CBR4: variants seen among roughly 807,000 people sequenced by gnomAD.
CBR4 encodes the protein 3-oxoacyl-[acyl-carrier-protein] reductase.
In CBR4, 22 loss-of-function variants were observed where a neutral mutation model predicts 21.0. The ratio of observed to expected loss-of-function variants is 1.05; its 90% confidence interval spans 0.75 to 1.50. The LOEUF is 1.50. Ranked by LOEUF, CBR4 falls within the 40% of genes most tolerant of loss-of-function variation. The pLI is 0.00. For missense variants in CBR4, 302 were observed against 286.3 expected (o/e 1.05, Z -0.40); for synonymous variants, 100 against 104.4 (o/e 0.96, Z 0.26).
In CBR4 at chr4:168,994,852, T is replaced by G. The variant is rs111364244; in HGVS notation, c.536-4524A>C. ...TCACTGAAACCTCCGCCTCCCGGGT[T>G]CAAACAATTCTTCTGCCTTAGCCTC... On this transcript the variant is annotated intron_variant, in intron 4 of 4. Coordinates refer to ENST00000306193, the MANE Select transcript of CBR4 (RefSeq NM_032783.5). 9.4e-4 allele frequency among the ~76,000 whole-genome samples: 142 copies of G among 150,298 alleles called. 1 individual carries two copies. The highest frequency in any genetic ancestry group is 3.3e-3 in the African/African-American group (137 of 40,908).
Position 169,010,044 on chromosome 4 carries a change from T to C in CBR4, c.46A>G (p.Arg16Gly). The part of the protein sequence containing the change: ...AVFGGSRGIG[R>G]AVAQLMARKG... ...CGGGCCATTAACTGGGCCACAGCTC[T>C]GCCAATGCCTCGGGAGCCTCCAAAA... Residue 16 changes from arginine to glycine, a missense_variant, in exon 1 of 5, where the codon AGA becomes GGA. Coordinates refer to ENST00000306193, the MANE Select transcript of CBR4 (RefSeq NM_032783.5). 2 of 1,613,878 alleles carry C rather than the reference T, an allele frequency of 1.2e-6. No homozygotes were observed. Among genetic ancestry groups the C allele is most frequent in the Non-Finnish European group, 1.7e-6 (2 of 1,179,948 alleles).
Position 168,990,226 on chromosome 4 carries a change from A to G in CBR4, c.638T>C (p.Val213Ala). 1 of 1,613,886 alleles carries G rather than the reference A, an allele frequency of 6.2e-7. No homozygotes were observed. Among genetic ancestry groups the G allele is most frequent in the Non-Finnish European group, 8.5e-7 (1 of 1,179,860 alleles). The change falls in exon 5 of 5, where the codon GTT becomes GCT. Residue 213 changes from valine to alanine, a missense_variant. Coordinates refer to ENST00000306193, the MANE Select transcript of CBR4 (RefSeq NM_032783.5). ...FGETIEVAHA[V>A]VFLLESPYIT... The stretch of plus-strand genomic sequence containing the variant: ...ATACGGTGATTCTAAAAGAAACACA[A>G]CCGCATGTGCCACCTCAATAGTTTC...
rs528701229 is a variant in CBR4 at position 168,896,822 on chromosome 4, G to GTATTTATT, written n.170-2065_170-2058dup. Among the ~76,000 whole-genome samples the GTATTTATT allele has an allele frequency of 1.5e-3, 235 of 151,648 alleles. 3 individuals carry two copies. The South Asian group carries it at 0.018, about 12-fold the overall frequency. ...ATTTATTTATTTATTTTTACTTTAT[G>GTATTTATT]TATTTATTTATTTATTTATTTATTT... On this transcript the variant is annotated intron_variant and non_coding_transcript_variant, in intron 2 of 3. Coordinates refer to the CBR4 transcript ENST00000509108.
intron 2 of CBR4, among the ~76,000 whole-genome samples, chr4:168,905,781 CT>C (rs201314551): frequency 2.0e-5 from 2 of 99,148 alleles, no homozygotes; most frequent in Non-Finnish European, 4.1e-5. Flanking sequence ...GCGGAACTTG[CT>C]TTTTTTTCTT....
intron 2 of CBR4, among the ~76,000 whole-genome samples, chr4:168,912,152 G>A (rs1314750676): frequency 6.6e-6 from 1 of 152,094 alleles, no homozygotes; most frequent in Non-Finnish European, 1.5e-5. Context: ...TCTACTCACA[G>A]TTGGAAAGCA....
intron 4 of CBR4, among the ~76,000 whole-genome samples, chr4:168,993,075 T>C (rs1765001804): frequency 6.6e-6 from 1 of 152,220 alleles, no homozygotes; most frequent in Non-Finnish European, 1.5e-5. Context: ...CTCTGCAGAA[T>C]TTCCAACAAA....
intron 2 of CBR4, among the ~76,000 whole-genome samples, chr4:168,908,646 G>A (rs1438194988): frequency 6.6e-6 from 1 of 151,770 alleles, no homozygotes; most frequent in Non-Finnish European, 1.5e-5. Context: ...TTTGAGTTTA[G>A]AAAAAAAAGT....
intron 2 of CBR4, among the ~76,000 whole-genome samples, chr4:168,979,067 G>T (rs1051751381): frequency 2.6e-5 from 4 of 151,682 alleles, no homozygotes; most frequent in African/African-American, 9.7e-5. Context: ...AGCATGCCTT[G>T]CAGAAAAAGA....
intron 2 of CBR4, among the ~76,000 whole-genome samples, chr4:168,976,594 T>C (rs1764378884): frequency 6.6e-6 from 1 of 152,184 alleles, no homozygotes; most frequent in Non-Finnish European, 1.5e-5. Context: ...ATATTACAAA[T>C]TACCTTCTTA....
chr4:168,916,681 A>G (rs1760167855), intron 2 of CBR4, among the ~76,000 whole-genome samples: 1 of 97,364 alleles, frequency 1.0e-5, no homozygotes, highest in African/African-American at 3.0e-5. Context: ...CCATTTTCTA[A>G]TTCTTTTTTT....
At chr4:168,944,291 G>A (rs955651441) in intron 2 of CBR4, among the ~76,000 whole-genome samples, 2 of 151,470 alleles carry the variant, frequency 1.3e-5, no homozygotes, top group African/African-American at 4.9e-5. Context: ...TAAAAATAAA[G>A]AAATAAATAA....
intron 2 of CBR4, among the ~76,000 whole-genome samples, chr4:168,908,169 C>G (rs1280177876): frequency 6.6e-6 from 1 of 152,098 alleles, no homozygotes; most frequent in Non-Finnish European, 1.5e-5. Flanking sequence ...GAGTAAAACC[C>G]CTTCTTTTCT....
intron 2 of CBR4, among the ~76,000 whole-genome samples, chr4:168,980,493 T>C (rs1764516138): frequency 6.6e-6 from 1 of 151,918 alleles, no homozygotes; most frequent in South Asian, 2.1e-4. Context: ...CCCAGCACTT[T>C]GGGAGACAGA....
intron 2 of CBR4, among the ~76,000 whole-genome samples, chr4:168,952,752 G>A (rs1014991775): frequency 6.6e-6 from 1 of 152,198 alleles, no homozygotes; most frequent in Non-Finnish European, 1.5e-5. Flanking sequence ...GTCTGCACGA[G>A]TCCTGTGATA....
chr4:168,900,718 T>G (rs1282862740), intron 2 of CBR4, among the ~76,000 whole-genome samples: 1 of 152,166 alleles, frequency 6.6e-6, no homozygotes, highest in Non-Finnish European at 1.5e-5. Context: ...TAAAATGGGA[T>G]TTTTAAAATA....
At chr4:168,995,652 T>TCC (rs997541780) in intron 4 of CBR4, among the ~76,000 whole-genome samples, 29 of 152,092 alleles carry the variant, frequency 1.9e-4, no homozygotes, top group African/African-American at 6.8e-4. Flanking sequence ...TTTGCTCTAC[T>TCC]CCCCTTTTTG....
At chr4:168,975,385 T>C (rs944503707) in intron 2 of CBR4, among the ~76,000 whole-genome samples, 5 of 152,214 alleles carry the variant, frequency 3.3e-5, no homozygotes, top group South Asian at 4.1e-4. Context: ...CTGGTTATGT[T>C]AGCAGTGAAG....
At chr4:168,982,249 A>G (rs918163372) in intron 2 of CBR4, among the ~76,000 whole-genome samples, 9 of 152,210 alleles carry the variant, frequency 5.9e-5, no homozygotes, top group Non-Finnish European at 1.2e-4. Flanking sequence ...GAAAACAAAA[A>G]GGAGCAGGGG....
At chr4:168,999,912 C>T (rs948617607) in intron 4 of CBR4, among the ~76,000 whole-genome samples, 3 of 152,190 alleles carry the variant, frequency 2.0e-5, no homozygotes, top group Non-Finnish European at 2.9e-5. Context: ...TTTCACTATA[C>T]TTAGCTCCTT....
Sources: gnomAD v4.1 joint callset for allele counts (sites outside exome capture counted in the v4.1 genomes callset) on GRCh38, gnomAD v4.1.1 for gene constraint, MANE v1.5 for transcripts, NCBI Gene and HGNC (gene_info 2026-07-23, HGNC 2026-07-21) for gene names.